Variants in KIF20B observed in about 807,000 individuals in gnomAD.
The protein encoded by KIF20B is kinesin-like protein KIF20B.
KIF20B carries 188 observed loss-of-function variants against 232.5 expected under a neutral mutation model. The observed-to-expected ratio is 0.81, with a 90% CI of 0.72 to 0.91. The LOEUF is 0.91. Ranked by LOEUF, KIF20B falls within the 40% of genes least tolerant of loss-of-function variation. KIF20B has a pLI of 0.00. For synonymous variants in KIF20B, 712 were observed against 683.0 expected (o/e 1.04, Z -0.66); for missense variants, 2,154 against 2,055.9 (o/e 1.05, Z -0.92).
chr10:89,732,348 C>G (rs1255201818), intron 18 of KIF20B, among the ~76,000 whole-genome samples: 3 of 152,056 alleles, frequency 2.0e-5, no homozygotes, highest in African/African-American at 7.2e-5. Flanking sequence ...GTCTCAAACT[C>G]CTGGGCTTGA....
At chr10:89,710,905 A>G in intron 5 of KIF20B, 56 bp from the exon 6 acceptor site, 2 of 1,422,954 alleles carry the variant, frequency 1.4e-6, no homozygotes, top group East Asian at 2.4e-5. Context: ...TAAACAAGTA[A>G]AGTTTCCTCT....
chr10:89,752,496 T>C (rs1589876578), intron 24 of KIF20B, 71 bp from the exon 25 acceptor site: 6 of 1,133,472 alleles, frequency 5.3e-6, no homozygotes, highest in South Asian at 1.8e-5. Flanking sequence ...CTGTAGCCCA[T>C]GTCAAGTGTA....
At position 89,717,602 on chromosome 10, in the gene KIF20B, C is replaced by A; in HGVS notation, c.1151C>A (p.Ser384Ter). 1 of 1,610,192 alleles carries A rather than the reference C, an allele frequency of 6.2e-7. No homozygotes were observed. The highest frequency in any genetic ancestry group is 1.1e-5 in the South Asian group (1 of 90,194). Residue 384 changes from serine (S) to a stop codon, truncating the protein, a stop_gained, in exon 11 of 33, where the codon TCA becomes TAA. Transcript: ENST00000371728. LOFTEE classifies it high-confidence loss of function. ...SELSLCDLAG[S>*]ERTMKTQNEG... is the part of the protein sequence containing the mutation. ...TTATCTTTATGTGATCTTGCTGGTT[C>A]AGAACGAACTATGAAGACACAGAAT... is the stretch of plus-strand genomic sequence containing the variant.
At chr10:89,763,920 A>G (rs1842298697) in intron 29 of KIF20B, among the ~76,000 whole-genome samples, 1 of 149,060 alleles carries the variant, frequency 6.7e-6, no homozygotes. Flanking sequence ...TTATACTTTA[A>G]GTTTTAGGGT....
chr10:89,757,648 T>C (rs772029381), intron 26 of KIF20B, among the ~76,000 whole-genome samples: 5 of 152,040 alleles, frequency 3.3e-5, no homozygotes, highest in Non-Finnish European at 4.4e-5. Context: ...GATACTAGAA[T>C]TGATTTTTGT....
At position 89,711,100 on chromosome 10, in the gene KIF20B, A is replaced by G. The variant is rs1047948065; in HGVS notation, c.630A>G (p.Lys210=). The G allele has an allele frequency of 1.6e-5, 25 of 1,568,590 alleles. No individual in the cohort carries two copies. Among genetic ancestry groups the G allele is most frequent in the African/African-American group, 2.7e-5 (2 of 73,182 alleles). Residue 210 remains lysine, a synonymous_variant, in exon 6 of 33, where the codon AAA becomes AAG. Coordinates refer to ENST00000371728, the MANE Select transcript of KIF20B (RefSeq NM_001284259.2). ...TAAGGTTATCATCAGAACAAGAGAA[A>G]GAAGAAATTGCTAGCAAAAGTGCAT... ...EYLRLSSEQE[K]EEIASKSALL... is the part of the protein sequence containing the mutation.
At chr10:89,750,704 A>G (rs952070845) in intron 23 of KIF20B, among the ~76,000 whole-genome samples, 9 of 152,120 alleles carry the variant, frequency 5.9e-5, no homozygotes, top group Non-Finnish European at 1.0e-4. Flanking sequence ...CAGGGTTAAT[A>G]TATAGTTGCT....
At chr10:89,766,747 G>C (rs979933404) in intron 29 of KIF20B, among the ~76,000 whole-genome samples, 5 of 152,048 alleles carry the variant, frequency 3.3e-5, no homozygotes, top group Admixed American at 1.3e-4. Context: ...TCTCTGTCAG[G>C]TAATAATTTT....
chr10:89,707,299 A>G (rs924223611), intron 2 of KIF20B, among the ~76,000 whole-genome samples: 5 of 152,140 alleles, frequency 3.3e-5, no homozygotes, highest in Non-Finnish European at 7.4e-5. Context: ...ATTACCCTCA[A>G]AAGTTTCCTT....
At position 89,773,972 on chromosome 10, in the gene KIF20B, T is replaced by C; in HGVS notation, c.5387T>C (p.Ile1796Thr). The C allele has an allele frequency of 1.9e-6, 3 of 1,549,714 alleles. No homozygotes were observed. ...SSPIDISGQV[I>T]LMDQKMKESD... Reference sequence around the variant, plus strand: ...AAACTATGAAATTTTTAATTTCAGATTTTAATGGACCAGAAAATGAAGGAG... The same window carrying C: ...AAACTATGAAATTTTTAATTTCAGACTTTAATGGACCAGAAAATGAAGGAG... The change falls in exon 33 of 33, where the codon ATT (isoleucine) becomes ACT (threonine). Residue 1796 changes from isoleucine to threonine, a missense_variant and splice_region_variant. Coordinates refer to ENST00000371728, the MANE Select transcript of KIF20B (RefSeq NM_001284259.2).
intron 20 of KIF20B, 77 bp downstream of exon 20, chr10:89,738,694 T>A: frequency 6.9e-7 from 1 of 1,443,920 alleles, no homozygotes; most frequent in Non-Finnish European, 9.1e-7. Flanking sequence ...AAAAGTTAGA[T>A]AGTCATACTT....
chr10:89,705,947 A>G (rs1842713972), intron 2 of KIF20B, among the ~76,000 whole-genome samples: 1 of 152,166 alleles, frequency 6.6e-6, no homozygotes, highest in African/African-American at 2.4e-5. Context: ...TAGGTAGTTT[A>G]CAGTTTGAGG....
rs777231047 is a variant in KIF20B, at chr10:89,758,811, A to C, written c.4609A>C (p.Ile1537Leu). 2.5e-6 allele frequency: 4 copies of C among 1,606,634 alleles called. No homozygotes were observed. The East Asian group carries it at 9.0e-5, about 36-fold the overall frequency. ...AALEIQLKAL[I>L]SSNVQKDNEI... ...TTTAGAAATACAGCTAAAAGCACTG[A>C]TATCCAGTAATGTACAGAAAGATAA... The change falls in exon 27 of 33, where the codon ATA becomes CTA. Residue 1537 changes from isoleucine to leucine, a missense_variant. Physicochemically the swap from Ile to Leu is conservative, Grantham distance 5. Coordinates refer to ENST00000371728, the MANE Select transcript of KIF20B (RefSeq NM_001284259.2).
At chr10:89,703,185 G>A (rs1842647578) in intron 1 of KIF20B, among the ~76,000 whole-genome samples, 1 of 152,164 alleles carries the variant, frequency 6.6e-6, no homozygotes, top group South Asian at 2.1e-4. Context: ...GTTATGAAAT[G>A]TCAGGCCGGT....
chr10:89,761,922 T>C (rs1468450642), intron 28 of KIF20B, among the ~76,000 whole-genome samples: 2 of 152,214 alleles, frequency 1.3e-5, no homozygotes, highest in African/African-American at 2.4e-5. Flanking sequence ...ATTGTTAGGC[T>C]ATTTTGTATG....
Position 89,774,265 on chromosome 10 carries a change from A to G in KIF20B, c.*217A>G, listed in dbSNP as rs966694861. 5 of 312,790 alleles carry G rather than the reference A, an allele frequency of 1.6e-5. No homozygotes were observed. The highest frequency in any genetic ancestry group is 2.3e-5 in the Non-Finnish European group (4 of 170,698). 19.4% of individuals were successfully genotyped at this position (312,790 alleles called of 1,614,324 possible). On this transcript the variant is annotated 3_prime_UTR_variant, in exon 33 of 33. Transcript: ENST00000371728. ...AGCTTCTTTCAAACTGTATTTCCCT[A>G]TTATCTCAGACATTGGATCAGTGAA...
intron 27 of KIF20B, 24 bp downstream of exon 27, chr10:89,758,906 C>CT: frequency 1.4e-6 from 2 of 1,396,590 alleles, no homozygotes; most frequent in Non-Finnish European, 1.9e-6. Context: ...TTTGCTATGC[C>CT]TTTTTAATTG....
Position 89,711,079 on chromosome 10 carries a change from G to A in KIF20B, c.609G>A (p.Arg203=), listed in dbSNP as rs1355051994. The A allele has an allele frequency of 6.3e-7, 1 of 1,598,100 alleles. No homozygotes were observed. The highest frequency in any genetic ancestry group is 1.7e-5 in the Admixed American group (1 of 58,114). ...LKPHRSREYL[R]LSSEQEKEEI... The stretch of plus-strand genomic sequence containing the variant: ...CACATAGATCCAGAGAATACTTAAG[G>A]TTATCATCAGAACAAGAGAAAGAAG... Residue 203 remains arginine (R), a synonymous_variant, in exon 6 of 33, where the codon AGG becomes AGA. Coordinates refer to ENST00000371728, the MANE Select transcript of KIF20B (RefSeq NM_001284259.2).
At chr10:89,746,360 G>A (rs1476702654) in intron 23 of KIF20B, among the ~76,000 whole-genome samples, 1 of 152,214 alleles carries the variant, frequency 6.6e-6, no homozygotes, top group Non-Finnish European at 1.5e-5. Context: ...GCTCTCTGCA[G>A]ATGTATGGGG....
Sources: gnomAD v4.1 joint callset for allele counts (sites outside exome capture counted in the v4.1 genomes callset) on GRCh38, gnomAD v4.1.1 for gene constraint, MANE v1.5 for transcripts, NCBI Gene and HGNC (gene_info 2026-07-23, HGNC 2026-07-21) for gene names.